Variants in UCHL1 observed in about 807,000 individuals in gnomAD.
UCHL1 encodes the protein ubiquitin carboxyl-terminal hydrolase isozyme L1.
A neutral mutation model predicts 33.3 loss-of-function variants in UCHL1; 5 were observed. That is an observed-to-expected ratio of 0.15 (90% confidence interval 0.08 to 0.32). The LOEUF (loss-of-function observed/expected upper bound fraction) is 0.32, where lower values mean the gene tolerates loss of function less well. Ranked by LOEUF, UCHL1 falls within the 10% of genes least tolerant of loss-of-function variation. UCHL1 has a pLI of 1.00. For missense variants in UCHL1, 236 were observed against 280.0 expected (o/e 0.84, Z 1.12); for synonymous variants, 132 against 108.8 (o/e 1.21, Z -1.33).
intron 3 of UCHL1, among the ~76,000 whole-genome samples, chr4:41,258,876 G>T (rs1314319783): frequency 6.6e-6 from 1 of 152,200 alleles, no homozygotes; most frequent in Non-Finnish European, 1.5e-5. Context: ...ATGCCAAATT[G>T]TTGGAAGTCG....
At chr4:41,257,259 G>A in intron 2 of UCHL1, 133 bp downstream of exon 2, 2 of 1,413,572 alleles carry the variant, frequency 1.4e-6, no homozygotes, top group South Asian at 1.4e-5. Flanking sequence ...CTGGGGCGTG[G>A]GCTGGGCGCC....
At chr4:41,262,377 C>A (rs1416199670) in intron 6 of UCHL1, among the ~76,000 whole-genome samples, 12 of 152,070 alleles carry the variant, frequency 7.9e-5, no homozygotes, top group Non-Finnish European at 1.8e-4. Flanking sequence ...GCCCTAGAGG[C>A]AGAGGTTGCA....
intron 7 of UCHL1, among the ~76,000 whole-genome samples, chr4:41,263,809 G>A (rs1781111411): frequency 6.6e-6 from 1 of 152,220 alleles, no homozygotes; most frequent in South Asian, 2.1e-4. Context: ...TATCCCCAGA[G>A]ACTGCATCTG....
chr4:41,257,529 G>C (rs1780998365), intron 2 of UCHL1, 80 bp from the exon 3 acceptor site: 13 of 1,376,972 alleles, frequency 9.4e-6, no homozygotes, highest in South Asian at 1.7e-5. Context: ...GAGGGCGCGC[G>C]CCTCCTGGCC....
In UCHL1 at chr4:41,268,138, C is replaced by G; in HGVS notation, c.*65C>G. On this transcript the variant is annotated 3_prime_UTR_variant, in exon 9 of 9. Coordinates refer to ENST00000284440, the MANE Select transcript of UCHL1 (RefSeq NM_004181.5). ...TTCAACATGAAAATATATACCCCCC[C>G]ATGCAGTCTAAAATGCTTCAGTACT... 1 of 1,447,178 alleles carries G rather than the reference C, an allele frequency of 6.9e-7. No individual in the cohort carries two copies. Among genetic ancestry groups the G allele is most frequent in the Non-Finnish European group, 9.6e-7 (1 of 1,042,072 alleles). The allele number at this position is 1,447,178 out of a possible 1,614,324, so 89.6% of individuals were successfully genotyped here.
chr4:41,264,454 C>A (rs1011400497), intron 8 of UCHL1: 6 of 477,216 alleles, frequency 1.3e-5, no homozygotes, highest in African/African-American at 1.2e-4. Flanking sequence ...TTAAGGTGAC[C>A]ATTGTCCTCC....
Position 41,268,195 on chromosome 4 carries a change from A to G in UCHL1, c.*122A>G. 1 of 959,442 alleles carries G rather than the reference A, an allele frequency of 1.0e-6. No homozygotes were observed. The highest frequency in any genetic ancestry group is 1.6e-6 in the Non-Finnish European group (1 of 617,760). 59.4% of individuals were successfully genotyped at this position (959,442 alleles called of 1,614,324 possible). The stretch of plus-strand genomic sequence containing the variant: ...ACACAGCTGTTCTTCTGTTCTGCAG[A>G]CACGCCTTCCCCTCAGCCACACCCA... On this transcript the variant is annotated 3_prime_UTR_variant, in exon 9 of 9. Transcript: ENST00000284440.
intron 8 of UCHL1, 138 bp downstream of exon 8, chr4:41,264,299 C>T: frequency 9.3e-7 from 1 of 1,072,012 alleles, no homozygotes; most frequent in Non-Finnish European, 1.4e-6. Context: ...GCTGCAAGAT[C>T]CTCTTAGTAA....
chr4:41,260,550 C>T, intron 3 of UCHL1, 97 bp from the exon 4 acceptor site: 6 of 1,439,246 alleles, frequency 4.2e-6, no homozygotes, highest in Non-Finnish European at 4.8e-6. Flanking sequence ...GGTCACACAT[C>T]CCACTGGTGT....
At chr4:41,259,074 T>G (rs541753871) in intron 3 of UCHL1, among the ~76,000 whole-genome samples, 1 of 152,242 alleles carries the variant, frequency 6.6e-6, no homozygotes, top group African/African-American at 2.4e-5. Context: ...GAATCTTGTT[T>G]AGAGAACATT....
rs199514166 is a variant in UCHL1 at position 41,261,926 on chromosome 4, A to G, written c.459+3A>G. On this transcript the variant is annotated splice_donor_region_variant and intron_variant, in intron 6 of 8. Transcript: ENST00000284440. ...TGGCACAGGAAGGCCAATGTCGGGT[A>G]AATGCAAATACAAATCGGAGCCAGG... 9.4e-5 allele frequency: 151 copies of G among 1,613,988 alleles called. No individual in the cohort carries two copies. Among genetic ancestry groups the G allele is most frequent in the Non-Finnish European group, 1.2e-4 (141 of 1,180,034 alleles).
intron 4 of UCHL1, 21 bp from the exon 5 acceptor site, chr4:41,261,692 AAC>A: frequency 6.2e-7 from 1 of 1,600,244 alleles, no homozygotes. Flanking sequence ...TACCTATACT[AAC>A]ACATCCATTT....
chr4:41,257,762 C>T (rs766097323), intron 3 of UCHL1, 25 bp downstream of exon 3: 2 of 1,552,148 alleles, frequency 1.3e-6, no homozygotes, highest in Non-Finnish European at 8.7e-7. Context: ...CCAGGATGCG[C>T]CGGCCGCCGG....
chr4:41,257,473 T>G, intron 2 of UCHL1, 136 bp from the exon 3 acceptor site: 2 of 1,186,812 alleles, frequency 1.7e-6, no homozygotes, highest in Non-Finnish European at 2.2e-6. Context: ...CGGGTGGGGG[T>G]GGCAGGGCGG....
rs1312877491 is a variant in UCHL1, at chr4:41,263,075, C to T, written c.460-150C>T. On this transcript the variant is annotated intron_variant, in intron 6 of 8. Coordinates refer to ENST00000284440, the MANE Select transcript of UCHL1 (RefSeq NM_004181.5). The stretch of plus-strand genomic sequence containing the variant: ...TTAACAGTATATTTACCTTAGTGGG[C>T]TTAGAATAGGGCTTAATGTAAGACA... The T allele has an allele frequency of 4.4e-6, 3 of 681,450 alleles. No homozygotes were observed. In the East Asian group the frequency reaches 8.3e-5, roughly 19 times the overall value. The allele number at this position is 681,450 out of a possible 1,614,324, so 42.2% of individuals were successfully genotyped here.
At chr4:41,266,232 T>G (rs1007487399) in intron 8 of UCHL1, among the ~76,000 whole-genome samples, 11 of 151,852 alleles carry the variant, frequency 7.2e-5, no homozygotes, top group Admixed American at 2.0e-4. Flanking sequence ...AAAACTTTTT[T>G]TTTTTTTTTT....
chr4:41,260,860 A>G, intron 4 of UCHL1, 63 bp downstream of exon 4: 1 of 1,612,116 alleles, frequency 6.2e-7, no homozygotes, highest in Non-Finnish European at 8.5e-7. Context: ...GTTCAGAAAC[A>G]GCTGTTTTCC....
intron 8 of UCHL1, among the ~76,000 whole-genome samples, chr4:41,266,236 T>G (rs200363831): frequency 0.19 from 28,181 of 151,018 alleles, 3,262 homozygotes; most frequent in East Asian, 0.52. Flanking sequence ...CTTTTTTTTT[T>G]TTTTTTTTTT....
At chr4:41,264,312 C>CT (rs1313962786) in intron 8 of UCHL1, 151 bp downstream of exon 8, 5 of 933,920 alleles carry the variant, frequency 5.4e-6, no homozygotes, top group Admixed American at 1.9e-5. Context: ...CTTAGTAACT[C>CT]TATCTACCTT....
Sources: gnomAD v4.1 joint callset for allele counts (sites outside exome capture counted in the v4.1 genomes callset) on GRCh38, gnomAD v4.1.1 for gene constraint, MANE v1.5 for transcripts, NCBI Gene and HGNC (gene_info 2026-07-23, HGNC 2026-07-21) for gene names.